Variants in OCA2 observed in about 807,000 individuals in gnomAD.
OCA2 encodes P protein.
OCA2 carries 77 observed loss-of-function variants against 100.2 expected under a neutral mutation model. That is an observed-to-expected ratio of 0.77 (90% CI 0.64 to 0.93). OCA2 has a LOEUF of 0.93. OCA2 is among the 40% of genes least tolerant of loss of function. The pLI is 0.00. For missense variants in OCA2, 1,062 were observed against 1,089.1 expected (o/e 0.98, Z 0.35); for synonymous variants, 432 against 439.2 (o/e 0.98, Z 0.21).
chr15:28,046,296 A>G (rs1300440949), intron 2 of OCA2, among the ~76,000 whole-genome samples: 1 of 152,216 alleles, frequency 6.6e-6, no homozygotes, highest in Non-Finnish European at 1.5e-5. Flanking sequence ...GTGTAGGCAG[A>G]GTGTAGGGAA....
chr15:27,808,882 G>T (rs531620620), intron 23 of OCA2, among the ~76,000 whole-genome samples: 1 of 152,298 alleles, frequency 6.6e-6, no homozygotes, highest in Admixed American at 6.5e-5. Context: ...TCCTGCTCCC[G>T]TCTCTTCTAG....
chr15:27,730,918 T>C, the OCA2 span, among the ~76,000 whole-genome samples: 1 of 151,936 alleles, frequency 6.6e-6, no homozygotes, highest in African/African-American at 2.4e-5. Flanking sequence ...TTTTCAGCTA[T>C]GCATGGATCA....
chr15:27,918,660 C>A (rs1195198635), intron 19 of OCA2, among the ~76,000 whole-genome samples: 3 of 150,416 alleles, frequency 2.0e-5, no homozygotes, highest in Non-Finnish European at 4.5e-5. Flanking sequence ...GTTTCCAGAA[C>A]TTTTTTTAAT....
chr15:27,860,474 G>T (rs935093281), intron 21 of OCA2, among the ~76,000 whole-genome samples: 1 of 152,050 alleles, frequency 6.6e-6, no homozygotes, highest in African/African-American at 2.4e-5. Context: ...TTCTGAAAAC[G>T]CCACTGTTTA....
At position 27,755,259 on chromosome 15, in the gene OCA2, T is replaced by G. The variant is rs370691529; in HGVS notation, c.*129A>C. The G allele has an allele frequency of 1.4e-6, 1 of 710,948 alleles. No individual in the cohort carries two copies. The highest frequency in any genetic ancestry group is 2.0e-5 in the Admixed American group (1 of 49,480). 44.0% of individuals were successfully genotyped at this position (710,948 alleles called of 1,614,324 possible). A position where few individuals can be genotyped will look rare whatever the true frequency, so the allele number is the denominator to read the frequency against. Reference sequence around the variant, plus strand: ...GTGTTAGTGTCAAGGTCTATTCCACTGTGTCTCTGTAGCATCTCCAGGGTA... The same window carrying G: ...GTGTTAGTGTCAAGGTCTATTCCACGGTGTCTCTGTAGCATCTCCAGGGTA... On this transcript the variant is annotated 3_prime_UTR_variant, in exon 24 of 24. Transcript: ENST00000354638.
At chr15:27,807,210 C>G (rs1431295661) in intron 23 of OCA2, among the ~76,000 whole-genome samples, 1 of 152,080 alleles carries the variant, frequency 6.6e-6, no homozygotes, top group African/African-American at 2.4e-5. Flanking sequence ...CCTGTAACAC[C>G]AAGGAAACTC....
At chr15:27,803,413 T>A (rs1207937985) in intron 23 of OCA2, among the ~76,000 whole-genome samples, 1 of 152,192 alleles carries the variant, frequency 6.6e-6, no homozygotes, top group Non-Finnish European at 1.5e-5. Flanking sequence ...AAGAAAATTC[T>A]CACACATGCT....
chr15:28,070,624 G>T (rs2044226799), intron 2 of OCA2, among the ~76,000 whole-genome samples: 4 of 148,346 alleles, frequency 2.7e-5, no homozygotes, highest in African/African-American at 7.5e-5. Flanking sequence ...GGGAAGTGAG[G>T]AGCCCCTCTG....
the OCA2 span, among the ~76,000 whole-genome samples, chr15:27,740,764 T>C: frequency 1.3e-5 from 2 of 152,196 alleles, no homozygotes; most frequent in South Asian, 4.1e-4. Context: ...CCAGCAGAGC[T>C]GGGCATAGGC....
chr15:27,724,044 G>A, the OCA2 span, among the ~76,000 whole-genome samples: 3 of 152,140 alleles, frequency 2.0e-5, no homozygotes, highest in Non-Finnish European at 2.9e-5. Flanking sequence ...CATGAACCAC[G>A]TGACTTGGAT....
chr15:28,098,177 A>G (rs2045021252), intron 1 of OCA2, among the ~76,000 whole-genome samples: 1 of 152,244 alleles, frequency 6.6e-6, no homozygotes. Context: ...ATCACATTAC[A>G]CCAATGTGAA....
intron 22 of OCA2, among the ~76,000 whole-genome samples, chr15:27,845,440 C>T (rs565367830): frequency 1.1e-3 from 175 of 152,318 alleles, no homozygotes; most frequent in Non-Finnish European, 2.4e-3. Flanking sequence ...CTCTGGACTC[C>T]AGGCCCACAC....
chr15:27,891,095 C>T (rs1483353993), intron 19 of OCA2, among the ~76,000 whole-genome samples: 1 of 151,472 alleles, frequency 6.6e-6, no homozygotes, highest in African/African-American at 2.4e-5. Context: ...TGTGTACACA[C>T]AATAGATTAT....
In OCA2 at chr15:27,949,064, A is replaced by T. The variant is rs150531226; in HGVS notation, c.1951+2720T>A. The stretch of plus-strand genomic sequence containing the variant: ...CAAAGAACGCTACATTCAAAGGAAA[A>T]GTCAGTTTTGCTCTATGATAATAAA... On this transcript the variant is annotated intron_variant, in intron 18 of 23. Transcript: ENST00000354638. Among the ~76,000 whole-genome samples, 693 of 152,154 alleles carry T rather than the reference A, an allele frequency of 4.6e-3. 8 individuals carry two copies. Among genetic ancestry groups the T allele is most frequent in the African/African-American group, 0.016 (653 of 41,450 alleles).
intron 9 of OCA2, among the ~76,000 whole-genome samples, chr15:28,013,809 T>C (rs1179693955): frequency 1.3e-5 from 2 of 152,056 alleles, no homozygotes; most frequent in Non-Finnish European, 1.5e-5. Flanking sequence ...AGGGTGGTCA[T>C]GGGAACCGTG....
chr15:27,851,425 T>C lies in OCA2; in HGVS notation c.2295A>G (p.Ala765=), dbSNP rs145423783. 3 of 1,613,910 alleles carry C rather than the reference T, an allele frequency of 1.9e-6. No individual in the cohort carries two copies. In the Admixed American group the frequency reaches 5.0e-5, roughly 27 times the overall value. ...LSHDPEVGLP[A]PPLMYALAFG... Reference sequence around the variant, plus strand: ...AGGCCAGGGCATACATGAGCGGCGGTGCGGGCAGGCCAACCTCAGGGTCGT... The same window carrying C: ...AGGCCAGGGCATACATGAGCGGCGGCGCGGGCAGGCCAACCTCAGGGTCGT... Residue 765 remains alanine (A), a synonymous_variant, in exon 22 of 24, where the codon GCA becomes GCG. Transcript: ENST00000354638.
chr15:27,898,180 T>C (rs576277346), intron 19 of OCA2, among the ~76,000 whole-genome samples: 2 of 152,324 alleles, frequency 1.3e-5, no homozygotes, highest in South Asian at 4.1e-4. Context: ...CTGAAATTAG[T>C]TAAGACTTTG....
intron 19 of OCA2, among the ~76,000 whole-genome samples, chr15:27,902,943 G>T (rs996908293): frequency 7.9e-5 from 12 of 152,240 alleles, no homozygotes; most frequent in African/African-American, 2.9e-4. Context: ...TGGGCGGCCT[G>T]CAGAGCTCAC....
chr15:27,730,213 T>C, the OCA2 span, among the ~76,000 whole-genome samples: 2 of 152,170 alleles, frequency 1.3e-5, no homozygotes, highest in Admixed American at 1.3e-4. Flanking sequence ...GAAAACACTT[T>C]ATATGTCATT....
Sources: allele counts gnomAD v4.1 joint callset (sites outside exome capture counted in the v4.1 genomes callset), GRCh38; gene constraint gnomAD v4.1.1; transcripts MANE v1.5; gene names NCBI Gene and HGNC (gene_info 2026-07-23, HGNC 2026-07-21).